Variants in IL1RAPL2 observed in about 807,000 individuals in gnomAD.
The protein encoded by IL1RAPL2 is X-linked interleukin-1 receptor accessory protein-like 2.
A neutral mutation model predicts 44.1 loss-of-function variants in IL1RAPL2; 3 were observed. The ratio of observed to expected loss-of-function variants is 0.07; its 90% CI spans 0.03 to 0.18. The LOEUF is 0.18. IL1RAPL2 is among the 10% of genes least tolerant of loss of function. The probability of loss-of-function intolerance (pLI) is 1.00; values close to 1 mark genes in which losing one functional copy is unlikely to be tolerated. For missense variants in IL1RAPL2, 391 were observed against 496.4 expected (o/e 0.79, Z 2.02); for synonymous variants, 181 against 178.8 (o/e 1.01, Z -0.10).
At chrX:104,903,097 G>A (rs1923865775) in intron 2 of IL1RAPL2, among the ~76,000 whole-genome samples, 1 of 111,621 alleles carries the variant, frequency 9.0e-6, no homozygotes, top group African/African-American at 3.2e-5. Context: ...ATTAAATGTT[G>A]ATGATATTCA....
intron 2 of IL1RAPL2, among the ~76,000 whole-genome samples, chrX:105,096,378 A>G (rs1030326434): frequency 3.6e-5 from 4 of 112,209 alleles, no homozygotes; most frequent in African/African-American, 1.3e-4. Context: ...ATTTATACAA[A>G]CACTTCTACA....
chrX:105,507,110 C>T (rs962903527), intron 6 of IL1RAPL2, among the ~76,000 whole-genome samples: 1 of 111,569 alleles, frequency 9.0e-6, no homozygotes, highest in Admixed American at 9.6e-5. Flanking sequence ...GAAACCAAGA[C>T]AGAAATTGGG....
At chrX:105,091,754 A>G (rs1483623896) in intron 2 of IL1RAPL2, among the ~76,000 whole-genome samples, 3 of 111,973 alleles carry the variant, frequency 2.7e-5, no homozygotes, top group Non-Finnish European at 5.7e-5. Context: ...GGTGAGCCCC[A>G]TGAGTGCTAG....
intron 2 of IL1RAPL2, among the ~76,000 whole-genome samples, chrX:105,151,488 C>T (rs182434235): frequency 9.1e-6 from 1 of 109,798 alleles, no homozygotes; most frequent in East Asian, 2.9e-4. Context: ...TCTACAGGCA[C>T]ATTTACGATG....
At chrX:104,641,339 TG>T (rs1929931049) in intron 1 of IL1RAPL2, among the ~76,000 whole-genome samples, 1 of 111,397 alleles carries the variant, frequency 9.0e-6, no homozygotes, top group African/African-American at 3.3e-5. Context: ...AAAACTAGTC[TG>T]GGTAAGCTGC....
At chrX:105,209,722 GA>G (rs1234586571) in intron 3 of IL1RAPL2, among the ~76,000 whole-genome samples, 1 of 111,330 alleles carries the variant, frequency 9.0e-6, no homozygotes, top group Non-Finnish European at 1.9e-5. Flanking sequence ...GACTTACAGA[GA>G]AAAAAACTTT....
intron 6 of IL1RAPL2, among the ~76,000 whole-genome samples, chrX:105,512,765 A>G (rs5916735): frequency 0.22 from 23,952 of 110,831 alleles, 6,388 homozygotes; most frequent in African/African-American, 0.75. Context: ...CAAAAGAACC[A>G]GATGACTATA....
At chrX:105,012,692 A>G (rs1021770034) in intron 2 of IL1RAPL2, among the ~76,000 whole-genome samples, 5 of 56,712 alleles carry the variant, frequency 8.8e-5, no homozygotes, top group East Asian at 7.3e-4. Flanking sequence ...GAGAGAGAGA[A>G]TAATAAAATG....
chrX:105,353,409 C>T (rs1020850710), intron 5 of IL1RAPL2, among the ~76,000 whole-genome samples: 30 of 111,203 alleles, frequency 2.7e-4, no homozygotes, highest in Middle Eastern at 4.7e-3. Context: ...GACTTGGCAA[C>T]GCGGGCTCTT....
chrX:105,210,380 T>A (rs2033798534), intron 3 of IL1RAPL2, among the ~76,000 whole-genome samples: 1 of 111,552 alleles, frequency 9.0e-6, no homozygotes, highest in African/African-American at 3.3e-5. Flanking sequence ...TACCCTAATG[T>A]CCCACTGCCT....
chrX:104,784,632 T>C (rs1449011171), intron 2 of IL1RAPL2, among the ~76,000 whole-genome samples: 1 of 110,504 alleles, frequency 9.0e-6, no homozygotes, highest in Non-Finnish European at 1.9e-5. Flanking sequence ...ACATAACCCT[T>C]CATGTATTTT....
intron 2 of IL1RAPL2, among the ~76,000 whole-genome samples, chrX:104,942,863 C>G (rs757477376): frequency 2.7e-5 from 3 of 111,371 alleles, no homozygotes; most frequent in African/African-American, 9.8e-5. Context: ...TTTTGAGATA[C>G]GTCCCATCAA....
intron 2 of IL1RAPL2, among the ~76,000 whole-genome samples, chrX:104,721,113 C>G (rs948875191): frequency 4.5e-5 from 5 of 111,437 alleles, no homozygotes; most frequent in Non-Finnish European, 7.6e-5. Flanking sequence ...CTGTGGGAGA[C>G]AGTGTGGCAA....
intron 2 of IL1RAPL2, among the ~76,000 whole-genome samples, chrX:104,963,048 G>A (rs1482682567): frequency 9.0e-6 from 1 of 111,655 alleles, no homozygotes; most frequent in Non-Finnish European, 1.9e-5. Flanking sequence ...ACATGCCTCC[G>A]CCTGACAGAA....
intron 5 of IL1RAPL2, among the ~76,000 whole-genome samples, chrX:105,370,486 C>T (rs1458271956): frequency 8.9e-6 from 1 of 111,739 alleles, no homozygotes; most frequent in African/African-American, 3.2e-5. Flanking sequence ...ATTTGGTTTT[C>T]TTTTCTTGTA....
intron 5 of IL1RAPL2, among the ~76,000 whole-genome samples, chrX:105,422,970 CA>C (rs1281429275): frequency 9.0e-6 from 1 of 110,747 alleles, no homozygotes; most frequent in Non-Finnish European, 1.9e-5. Context: ...TTAGGGCAGC[CA>C]GAGTCAAGGA....
At chrX:104,880,345 T>C (rs1412182136) in intron 2 of IL1RAPL2, among the ~76,000 whole-genome samples, 3 of 111,573 alleles carry the variant, frequency 2.7e-5, no homozygotes, top group Non-Finnish European at 5.7e-5. Flanking sequence ...TAGTAGAGGA[T>C]AGTACTTCTT....
chrX:105,363,032 TA>T (rs2035259203), intron 5 of IL1RAPL2, among the ~76,000 whole-genome samples: 1 of 108,306 alleles, frequency 9.2e-6, no homozygotes, highest in Non-Finnish European at 1.9e-5. Context: ...CCCTCTCCTT[TA>T]CCCTCTGGTA....
At chrX:105,293,446 A>G (rs779422487) in intron 5 of IL1RAPL2, among the ~76,000 whole-genome samples, 3 of 112,139 alleles carry the variant, frequency 2.7e-5, no homozygotes, top group Admixed American at 9.5e-5. Context: ...TTTAAATTTG[A>G]TAAGACTGCC....
Sources: gnomAD v4.1 joint callset for allele counts (sites outside exome capture counted in the v4.1 genomes callset) on GRCh38, gnomAD v4.1.1 for gene constraint, MANE v1.5 for transcripts, NCBI Gene and HGNC (gene_info 2026-07-23, HGNC 2026-07-21) for gene names.